Variants in SANBR observed in about 807,000 individuals in gnomAD.
The protein encoded by SANBR is SANT and BTB domain regulator of class switch recombination.
SANBR carries 77 observed loss-of-function variants against 101.8 expected under a neutral mutation model. That is an observed-to-expected ratio of 0.76 (90% CI 0.63 to 0.91). SANBR has a LOEUF of 0.91. SANBR is among the 40% of genes least tolerant of loss of function. The pLI, the probability that SANBR is intolerant of heterozygous loss-of-function variation, is 0.00. For synonymous variants in SANBR, 279 were observed against 274.7 expected (o/e 1.02, Z -0.15); for missense variants, 875 against 853.0 (o/e 1.03, Z -0.32).
chr2:61,087,350 A>G (rs1343691202), intron 8 of SANBR, among the ~76,000 whole-genome samples: 1 of 151,940 alleles, frequency 6.6e-6, no homozygotes, highest in African/African-American at 2.4e-5. Flanking sequence ...GAAGGCCAGG[A>G]GTCTGAGGCC....
intron 7 of SANBR, 74 bp from the exon 8 acceptor site, chr2:61,083,080 A>G (rs1682225128): frequency 8.5e-7 from 1 of 1,172,740 alleles, no homozygotes; most frequent in Non-Finnish European, 1.2e-6. Flanking sequence ...AATGAATTTT[A>G]TCTTTGAAAG....
At chr2:61,118,998 A>G (rs1177290) in intron 20 of SANBR, among the ~76,000 whole-genome samples, 88,972 of 151,992 alleles carry the variant, frequency 0.59, 26,482 homozygotes, top group African/African-American at 0.68. Context: ...AAAATGTGTC[A>G]TCACACCAAG....
chr2:61,108,471 C>T, intron 15 of SANBR, 122 bp downstream of exon 15: 1 of 584,106 alleles, frequency 1.7e-6, no homozygotes, highest in Non-Finnish European at 2.9e-6. Flanking sequence ...TCTTCCTTTT[C>T]AGATTCTCCT....
At chr2:61,121,931 C>T (rs1225110349) in intron 21 of SANBR, among the ~76,000 whole-genome samples, 195 bp from the exon 22 acceptor site, 1 of 152,090 alleles carries the variant, frequency 6.6e-6, no homozygotes, top group Non-Finnish European at 1.5e-5. Context: ...ATGTACATAA[C>T]GTATTATCTC....
At chr2:61,082,462 G>A (rs563492342) in intron 7 of SANBR, among the ~76,000 whole-genome samples, 48 of 152,168 alleles carry the variant, frequency 3.2e-4, no homozygotes, top group African/African-American at 1.2e-3. Flanking sequence ...GAGAAAATTC[G>A]GAATTGACTG....
rs571372206 is a variant in SANBR, at chr2:61,071,491, A to T, written c.151-115A>T. On this transcript the variant is annotated intron_variant, in intron 3 of 21. Transcript: ENST00000402291. ...CTTGAACCCGGGAGGCGGAGGTTGC[A>T]GTGAGCCAAGATCACACCACTGCAC... The T allele has an allele frequency of 2.9e-5, 15 of 511,876 alleles. No homozygotes were observed. In the East Asian group the frequency reaches 5.1e-4, roughly 18 times the overall value. The allele number at this position is 511,876 out of a possible 1,614,324, so 31.7% of individuals were successfully genotyped here.
chr2:61,074,808 A>T (rs922534836), intron 5 of SANBR, among the ~76,000 whole-genome samples: 4 of 152,354 alleles, frequency 2.6e-5, no homozygotes, highest in Middle Eastern at 3.4e-3. Flanking sequence ...AGTCTAAAAA[A>T]CTATGGAAAC....
At chr2:61,092,358 TG>T in intron 10 of SANBR, 105 bp from the exon 11 acceptor site, 1 of 833,764 alleles carries the variant, frequency 1.2e-6, no homozygotes, top group Non-Finnish European at 1.7e-6. Context: ...CACTCCAGCC[TG>T]GGCAACAAGA....
intron 12 of SANBR, among the ~76,000 whole-genome samples, chr2:61,103,209 A>G (rs1179682312): frequency 6.7e-6 from 1 of 149,738 alleles, no homozygotes; most frequent in Admixed American, 6.7e-5. Flanking sequence ...GATCATGGCT[A>G]AAGGCAATCT....
chr2:61,134,727 A>C (rs1559161785), intron 21 of SANBR, among the ~76,000 whole-genome samples: 1 of 151,854 alleles, frequency 6.6e-6, no homozygotes, highest in Non-Finnish European at 1.5e-5. Context: ...CCCCGTCTCT[A>C]CTAAAAATAC....
chr2:61,066,788 T>TA (rs1204333533), intron 1 of SANBR, among the ~76,000 whole-genome samples: 1 of 152,210 alleles, frequency 6.6e-6, no homozygotes, highest in Non-Finnish European at 1.5e-5. Context: ...GGAAGTGACT[T>TA]AGACTAGTCT....
intron 20 of SANBR, among the ~76,000 whole-genome samples, 198 bp downstream of exon 20, chr2:61,118,314 T>C (rs910159162): frequency 2.0e-5 from 3 of 152,212 alleles, no homozygotes; most frequent in African/African-American, 7.2e-5. Flanking sequence ...CAATCTCGGC[T>C]CACTGCAACC....
chr2:61,080,653 G>C (rs1303595904), intron 6 of SANBR, among the ~76,000 whole-genome samples: 1 of 151,948 alleles, frequency 6.6e-6, no homozygotes, highest in Non-Finnish European at 1.5e-5. Context: ...CCCGGGAGGC[G>C]GAGGTTGCAG....
intron 12 of SANBR, among the ~76,000 whole-genome samples, chr2:61,098,828 A>G (rs1255439651): frequency 1.3e-5 from 2 of 152,242 alleles, no homozygotes; most frequent in African/African-American, 4.8e-5. Flanking sequence ...TAGCCTGTAA[A>G]CTTGGATCAT....
At chr2:61,134,383 C>G in intron 21 of SANBR, 1 of 1,109,954 alleles carries the variant, frequency 9.0e-7, no homozygotes. Flanking sequence ...CGTTATTCCC[C>G]CACCTAGATG....
Position 61,123,668 on chromosome 2 carries a change from A to G in SANBR, c.*1506A>G. 1 of 985,406 alleles carries G rather than the reference A, an allele frequency of 1.0e-6. No homozygotes were observed. 61.0% of individuals were successfully genotyped at this position (985,406 alleles called of 1,614,324 possible). The stretch of plus-strand genomic sequence containing the variant: ...ACAGTGCTGTAATGGTCACGACTAG[A>G]TAAGGAAAAAATATATATGCTCTTT... On this transcript the variant is annotated 3_prime_UTR_variant, in exon 22 of 22. Coordinates refer to ENST00000402291, the MANE Select transcript of SANBR (RefSeq NM_001129993.3).
chr2:61,126,727 G>T (rs527980538), downstream of SANBR, among the ~76,000 whole-genome samples: 2 of 148,042 alleles, frequency 1.4e-5, no homozygotes, highest in African/African-American at 5.0e-5. Context: ...ACTTGAACCC[G>T]GAAGGTGGAG....
intron 4 of SANBR, among the ~76,000 whole-genome samples, chr2:61,072,849 T>TTTTTTTTTTTTTTTTTTTTTTTA (rs1553428537): frequency 9.6e-6 from 1 of 104,022 alleles, no homozygotes; most frequent in African/African-American, 4.0e-5. Flanking sequence ...TTTTTTTTTT[T>TTTTTTTTTTTTTTTTTTTTTTTA]TATACAGGTA....
chr2:61,096,149 C>T (rs1358051924), intron 11 of SANBR, among the ~76,000 whole-genome samples: 1 of 151,892 alleles, frequency 6.6e-6, no homozygotes, highest in Non-Finnish European at 1.5e-5. Context: ...AAACCCAACA[C>T]CCACTTCCTT....
Sources: allele counts gnomAD v4.1 joint callset (sites outside exome capture counted in the v4.1 genomes callset), GRCh38; gene constraint gnomAD v4.1.1; transcripts MANE v1.5; gene names NCBI Gene and HGNC (gene_info 2026-07-23, HGNC 2026-07-21).